The following NKAIN2 variants were observed in gnomAD, a reference collection of about 807,000 sequenced individuals.
The protein encoded by NKAIN2 is sodium/potassium-transporting ATPase subunit beta-1-interacting protein 2.
A neutral mutation model predicts 32.6 loss-of-function variants in NKAIN2; 14 were observed. The ratio of observed to expected loss-of-function variants is 0.43; its 90% CI spans 0.28 to 0.67. NKAIN2 has a LOEUF of 0.67. Ranked by LOEUF, NKAIN2 falls within the 30% of genes least tolerant of loss-of-function variation. The pLI is 0.17. For missense variants in NKAIN2, 198 were observed against 258.3 expected, an observed-to-expected ratio of 0.77 and a Z score of 1.60; for synonymous variants, 80 against 87.2, an observed-to-expected ratio of 0.92 and a Z score of 0.46.
At chr6:124,010,381 G>A (rs1780271076) in intron 1 of NKAIN2, among the ~76,000 whole-genome samples, 1 of 151,838 alleles carries the variant, frequency 6.6e-6, no homozygotes, top group Non-Finnish European at 1.5e-5. Flanking sequence ...CATAGCTATG[G>A]ACTTGGTGAA....
chr6:124,373,184 C>T (rs757001631), intron 3 of NKAIN2, among the ~76,000 whole-genome samples: 2 of 151,970 alleles, frequency 1.3e-5, no homozygotes, highest in East Asian at 1.9e-4. Context: ...GTTATATTCT[C>T]GATATCATAA....
intron 1 of NKAIN2, among the ~76,000 whole-genome samples, chr6:124,038,226 T>C (rs1056019972): frequency 1.3e-5 from 2 of 152,080 alleles, no homozygotes; most frequent in African/African-American, 4.8e-5. Flanking sequence ...TGGTCTGCAA[T>C]TCAACTGATG....
At chr6:124,769,357 T>TA (rs1324277952) in intron 4 of NKAIN2, among the ~76,000 whole-genome samples, 2 of 152,112 alleles carry the variant, frequency 1.3e-5, no homozygotes, top group Non-Finnish European at 2.9e-5. Flanking sequence ...TGTTTAGTAC[T>TA]AAAAAAATTC....
chr6:124,369,891 T>TTTTTTTTTTTG (rs1227692309), intron 3 of NKAIN2, among the ~76,000 whole-genome samples: 2 of 145,642 alleles, frequency 1.4e-5, no homozygotes, highest in African/African-American at 2.6e-5. Flanking sequence ...TTTTTTTTTT[T>TTTTTTTTTTTG]TTTTTTTAAC....
intron 4 of NKAIN2, among the ~76,000 whole-genome samples, chr6:124,664,381 A>G (rs952374062): frequency 1.3e-5 from 2 of 152,144 alleles, no homozygotes; most frequent in African/African-American, 2.4e-5. Context: ...TCAATTTTAT[A>G]TAACAATAAT....
At chr6:124,091,011 C>T (rs959285760) in intron 1 of NKAIN2, among the ~76,000 whole-genome samples, 3 of 151,838 alleles carry the variant, frequency 2.0e-5, no homozygotes, top group Non-Finnish European at 2.9e-5. Context: ...GTCATAACAA[C>T]TTAATAATGT....
At chr6:124,662,427 TG>T (rs1784781061) in intron 4 of NKAIN2, among the ~76,000 whole-genome samples, 1 of 152,194 alleles carries the variant, frequency 6.6e-6, no homozygotes, top group African/African-American at 2.4e-5. Flanking sequence ...ATCTGGTACC[TG>T]GTTCATAGCT....
Position 124,239,168 on chromosome 6 carries a change from A to T in NKAIN2, c.55-43837A>T, listed in dbSNP as rs1792940104. 4.6e-5 allele frequency among the ~76,000 whole-genome samples: 7 copies of T among 152,334 alleles called. No individual in the cohort carries two copies. In the South Asian group the frequency reaches 1.4e-3, roughly 32 times the overall value. ...GATAAAAAAAGGAAGGGCATTACAT[A>T]ATGATAAAGTATCAATGCAACAGGA... On this transcript the variant is annotated intron_variant, in intron 1 of 6. Coordinates refer to ENST00000368417, the MANE Select transcript of NKAIN2 (RefSeq NM_001040214.3).
intron 3 of NKAIN2, among the ~76,000 whole-genome samples, chr6:124,545,505 T>A (rs566482143): frequency 1.6e-3 from 250 of 152,232 alleles, no homozygotes; most frequent in African/African-American, 5.7e-3. Context: ...ACTATGACAA[T>A]TTACAGCATA....
chr6:124,437,285 C>T (rs1237770799), intron 3 of NKAIN2, among the ~76,000 whole-genome samples: 2 of 152,170 alleles, frequency 1.3e-5, no homozygotes, highest in African/African-American at 4.8e-5. Flanking sequence ...CATCCAGTGG[C>T]GCCATGCCTG....
At chr6:124,221,219 T>C (rs937963076) in intron 1 of NKAIN2, among the ~76,000 whole-genome samples, 1 of 151,826 alleles carries the variant, frequency 6.6e-6, no homozygotes, top group Non-Finnish European at 1.5e-5. Flanking sequence ...TGGAATACTA[T>C]GCAGCCATAA....
intron 1 of NKAIN2, among the ~76,000 whole-genome samples, chr6:123,904,451 G>A (rs1312797176): frequency 1.3e-5 from 2 of 152,140 alleles, no homozygotes; most frequent in African/African-American, 4.8e-5. Context: ...ACAGATCTGG[G>A]CCACTATGAT....
chr6:123,938,157 T>G (rs1269005253), intron 1 of NKAIN2, among the ~76,000 whole-genome samples: 1 of 151,864 alleles, frequency 6.6e-6, no homozygotes, highest in Non-Finnish European at 1.5e-5. Context: ...GTCTAATGCA[T>G]TGCTAAATAA....
At position 124,326,953 on chromosome 6, in the gene NKAIN2, T is replaced by G. The variant is rs533101750; in HGVS notation, c.193-28314T>G. Among the ~76,000 whole-genome samples, 7 of 152,262 alleles carry G rather than the reference T, an allele frequency of 4.6e-5. No individual in the cohort carries two copies. The East Asian group carries it at 1.4e-3, about 29-fold the overall frequency. ...ATATGATTTTCCTATGTTTTTGACC[T>G]TTCCAAGAAACTGAGATCCAGCGTT... On this transcript the variant is annotated intron_variant, in intron 2 of 6. Transcript: ENST00000368417.
At chr6:124,796,633 T>C (rs974270217) in intron 5 of NKAIN2, among the ~76,000 whole-genome samples, 2 of 152,296 alleles carry the variant, frequency 1.3e-5, no homozygotes, top group Middle Eastern at 6.8e-3. Flanking sequence ...CAAGATCTCC[T>C]GCTGTGGTGT....
chr6:123,983,650 C>A (rs948323681), intron 1 of NKAIN2, among the ~76,000 whole-genome samples: 4 of 152,060 alleles, frequency 2.6e-5, no homozygotes, highest in African/African-American at 9.7e-5. Flanking sequence ...TACCCCCCCA[C>A]CTCTTGTCTG....
chr6:124,558,032 A>T (rs1780540970), intron 3 of NKAIN2, among the ~76,000 whole-genome samples: 1 of 152,180 alleles, frequency 6.6e-6, no homozygotes, highest in Non-Finnish European at 1.5e-5. Flanking sequence ...AACAAAAGAG[A>T]GTGTGTTATG....
At chr6:124,626,934 G>C (rs483551) in intron 3 of NKAIN2, among the ~76,000 whole-genome samples, 65,821 of 152,028 alleles carry the variant, frequency 0.43, 15,625 homozygotes, top group Non-Finnish European at 0.55. Flanking sequence ...TTAGAAAAGT[G>C]TAACCACTGC....
intron 2 of NKAIN2, among the ~76,000 whole-genome samples, chr6:124,353,358 G>C (rs958861963): frequency 6.6e-6 from 1 of 152,134 alleles, no homozygotes; most frequent in Non-Finnish European, 1.5e-5. Context: ...GCCAATTCTG[G>C]TTCGGAATCA....
Sources: allele counts gnomAD v4.1 joint callset (sites outside exome capture counted in the v4.1 genomes callset), GRCh38; gene constraint gnomAD v4.1.1; transcripts MANE v1.5; gene names NCBI Gene and HGNC (gene_info 2026-07-23, HGNC 2026-07-21).